The following RP1 variants were observed in gnomAD, a reference collection of about 807,000 sequenced individuals.
The protein encoded by RP1 is oxygen-regulated protein 1.
Under a neutral mutation model 14.8 loss-of-function variants are expected in RP1, and 16 were observed. That is an observed-to-expected ratio of 1.08 (90% confidence interval 0.73 to 1.65). RP1 has a LOEUF of 1.65. Ranked by LOEUF, RP1 falls within the 40% of genes most tolerant of loss-of-function variation. The probability of loss-of-function intolerance (pLI) is 0.00; values close to 1 mark genes in which losing one functional copy is unlikely to be tolerated. For missense variants in RP1, 2,631 were observed against 2,535.0 expected, an observed-to-expected ratio of 1.04 and a Z score of -0.81; for synonymous variants, 876 against 883.6, an observed-to-expected ratio of 0.99 and a Z score of 0.15.
intron 19 of RP1, among the ~76,000 whole-genome samples, chr8:54,753,772 A>G (rs1294983603): frequency 1.3e-5 from 2 of 152,148 alleles, no homozygotes; most frequent in African/African-American, 4.8e-5. Flanking sequence ...AAATGATCAG[A>G]TTTCTGTTTT....
intron 24 of RP1, among the ~76,000 whole-genome samples, chr8:54,835,482 A>G (rs1811635772): frequency 6.6e-6 from 1 of 152,212 alleles, no homozygotes; most frequent in East Asian, 1.9e-4. Context: ...TTCATTTATG[A>G]TGGCCAAACT....
intron 3 of RP1, among the ~76,000 whole-genome samples, chr8:54,646,837 T>C (rs943182048): frequency 1.3e-5 from 2 of 152,158 alleles, no homozygotes; most frequent in Admixed American, 6.5e-5. Context: ...CTGAACTCTT[T>C]TGCTGCATTT....
intron 2 of RP1, 124 bp downstream of exon 2, chr8:54,621,705 G>A: frequency 1.4e-6 from 2 of 1,388,640 alleles, no homozygotes; most frequent in Non-Finnish European, 1.0e-6. Flanking sequence ...CTGTGTATGT[G>A]AGTGTGTGTG....
At chr8:54,729,584 C>T (rs545697233) in intron 17 of RP1, among the ~76,000 whole-genome samples, 2 of 152,128 alleles carry the variant, frequency 1.3e-5, no homozygotes, top group South Asian at 4.2e-4. Context: ...AAAATTATAT[C>T]AACTTACTAC....
chr8:54,641,210 G>A (rs1257819786), intron 3 of RP1, among the ~76,000 whole-genome samples: 1 of 152,088 alleles, frequency 6.6e-6, no homozygotes, highest in Non-Finnish European at 1.5e-5. Context: ...CTCCTGAAGT[G>A]CTGGGATTAC....
intron 1 of RP1, among the ~76,000 whole-genome samples, chr8:54,604,849 A>G (rs11985516): frequency 0.34 from 52,201 of 151,986 alleles, 9,521 homozygotes; most frequent in Middle Eastern, 0.49. Flanking sequence ...GTATTCTCTG[A>G]TGGTAGTTTG....
chr8:54,680,680 C>G (rs944095959), intron 12 of RP1, among the ~76,000 whole-genome samples: 1 of 152,058 alleles, frequency 6.6e-6, no homozygotes, highest in African/African-American at 2.4e-5. Context: ...ATGTCTGGGC[C>G]GGGTGTGGTG....
chr8:54,610,694 A>C (rs1299029290), intron 1 of RP1, among the ~76,000 whole-genome samples: 1 of 152,114 alleles, frequency 6.6e-6, no homozygotes, highest in Non-Finnish European at 1.5e-5. Context: ...TGACAGTTTT[A>C]TTGCTCTCAT....
chr8:54,802,831 C>T (rs1325855446), intron 24 of RP1, among the ~76,000 whole-genome samples: 1 of 152,124 alleles, frequency 6.6e-6, no homozygotes, highest in African/African-American at 2.4e-5. Flanking sequence ...TTTATGGGCT[C>T]AGAGAAAGGA....
intron 24 of RP1, among the ~76,000 whole-genome samples, chr8:54,790,931 C>A (rs1810449798): frequency 6.6e-6 from 1 of 152,036 alleles, no homozygotes; most frequent in Non-Finnish European, 1.5e-5. Flanking sequence ...GACAAAAAGC[C>A]TATTTAAAGA....
chr8:54,802,456 A>T (rs1260123081), intron 24 of RP1, among the ~76,000 whole-genome samples: 1 of 152,190 alleles, frequency 6.6e-6, no homozygotes, highest in Non-Finnish European at 1.5e-5. Flanking sequence ...AATGAGAAAT[A>T]CCTTCAAATT....
intron 23 of RP1, among the ~76,000 whole-genome samples, chr8:54,780,145 CAACTCTGTTGTTGTAGTGTGA>C (rs1810148103): frequency 6.6e-6 from 1 of 152,220 alleles, no homozygotes; most frequent in African/African-American, 2.4e-5. Flanking sequence ...TGCAACTACT[CAACTCTGTTGTTGTAGTGTGA>C]AAACACCCAT....
intron 8 of RP1, among the ~76,000 whole-genome samples, chr8:54,677,584 G>A (rs1177567951): frequency 6.6e-6 from 1 of 152,008 alleles, no homozygotes; most frequent in African/African-American, 2.4e-5. Flanking sequence ...AAAATTAGCT[G>A]AGCATGGTGG....
At position 54,797,512 on chromosome 8, in the gene RP1, C is replaced by T. The variant is rs910058694; in HGVS notation, c.3615+13802C>T. Among the ~76,000 whole-genome samples, 3 of 144,858 alleles carry T rather than the reference C, an allele frequency of 2.1e-5. No homozygotes were observed. The Admixed American group carries it at 2.1e-4, about 10-fold the overall frequency. On this transcript the variant is annotated intron_variant, in intron 24 of 28. Transcript: ENST00000637698. ...GTGCAGAAAACTCTACCTAGCTGAA[C>T]TGAGTCACATAGGACTAAACACACA...
chr8:54,623,908 C>G (rs563374080), intron 3 of RP1, among the ~76,000 whole-genome samples: 16 of 152,310 alleles, frequency 1.1e-4, no homozygotes, highest in African/African-American at 3.6e-4. Flanking sequence ...TTTGGTTAGA[C>G]TCCAGTTTCA....
At chr8:54,723,684 G>A (rs1808586285) in intron 16 of RP1, among the ~76,000 whole-genome samples, 1 of 152,102 alleles carries the variant, frequency 6.6e-6, no homozygotes, top group Admixed American at 6.5e-5. Context: ...TCTTCATTCT[G>A]TTCCTCCAGA....
At chr8:54,672,373 C>G (rs1233334662) in intron 7 of RP1, among the ~76,000 whole-genome samples, 2 of 152,180 alleles carry the variant, frequency 1.3e-5, no homozygotes, top group African/African-American at 4.8e-5. Context: ...TTGCACTGCA[C>G]TATGCCAGGT....
intron 19 of RP1, among the ~76,000 whole-genome samples, chr8:54,748,749 A>G (rs1470235748): frequency 6.6e-6 from 1 of 152,242 alleles, no homozygotes; most frequent in East Asian, 1.9e-4. Flanking sequence ...AGTACTATAA[A>G]TACGTTGTGT....
At chr8:54,676,837 A>G (rs562443911) in intron 8 of RP1, among the ~76,000 whole-genome samples, 369 of 152,314 alleles carry the variant, frequency 2.4e-3, no homozygotes, top group African/African-American at 8.4e-3. Context: ...CTCAGTTCTT[A>G]AAACTCATTT....
Sources: gnomAD v4.1 joint callset for allele counts (sites outside exome capture counted in the v4.1 genomes callset) on GRCh38, gnomAD v4.1.1 for gene constraint, MANE v1.5 for transcripts, NCBI Gene and HGNC (gene_info 2026-07-23, HGNC 2026-07-21) for gene names.